The following DNAJB6 variants were observed in gnomAD, a reference collection of about 807,000 sequenced individuals.
DNAJB6 encodes the protein dnaJ homolog subfamily B member 6.
Under a neutral mutation model 42.7 loss-of-function variants are expected in DNAJB6, and 16 were observed. The observed-to-expected ratio is 0.37, with a 90% CI of 0.25 to 0.57. The LOEUF (loss-of-function observed/expected upper bound fraction) is 0.57. Among genes scored for constraint, DNAJB6 ranks in the 20% least tolerant of loss-of-function variants. The pLI, the probability that DNAJB6 is intolerant of heterozygous loss-of-function variation, is 0.74. For missense variants in DNAJB6, 347 were observed against 416.8 expected (o/e 0.83, Z 1.46); for synonymous variants, 170 against 163.5 (o/e 1.04, Z -0.30).
At chr7:157,358,805 G>A (rs1799436452) in intron 2 of DNAJB6, among the ~76,000 whole-genome samples, 168 bp downstream of exon 2, 1 of 152,196 alleles carries the variant, frequency 6.6e-6, no homozygotes, top group African/African-American at 2.4e-5. Context: ...TTGCAGTCTA[G>A]GCCTGGGCTT....
chr7:157,392,832 C>T lies in DNAJB6; in HGVS notation c.691+7221C>T, dbSNP rs55650032. 3.8e-3 allele frequency among the ~76,000 whole-genome samples: 574 copies of T among 152,300 alleles called. 2 individuals are homozygous for T. Among genetic ancestry groups the T allele is most frequent in the South Asian group, 0.011 (52 of 4,826 alleles). On this transcript the variant is annotated intron_variant, in intron 8 of 9. Transcript: ENST00000262177. ...TGCTGTCTTAATATGTAGGTGTGCACATTTCCTCATTGTATCACTACATGA... is the reference window on the plus strand; with the variant it reads ...TGCTGTCTTAATATGTAGGTGTGCATATTTCCTCATTGTATCACTACATGA...
intron 1 of DNAJB6, 62 bp from the exon 2 acceptor site, chr7:157,358,485 C>A: frequency 9.2e-7 from 1 of 1,092,590 alleles, no homozygotes; most frequent in Non-Finnish European, 1.4e-6. Flanking sequence ...CAGACCCATC[C>A]CACCACCGTG....
chr7:157,374,142 G>A (rs931372915), intron 5 of DNAJB6, among the ~76,000 whole-genome samples: 2 of 150,910 alleles, frequency 1.3e-5, no homozygotes, highest in Admixed American at 6.6e-5. Context: ...AGTCCCGCCC[G>A]GCATCCCCAC....
chr7:157,392,060 C>T (rs550742091), intron 8 of DNAJB6, among the ~76,000 whole-genome samples: 1 of 146,924 alleles, frequency 6.8e-6, no homozygotes, highest in Admixed American at 6.9e-5. Context: ...CGTGATCGAG[C>T]CACTGCACTC....
At chr7:157,340,966 G>C (rs924464979) in intron 1 of DNAJB6, among the ~76,000 whole-genome samples, 58 of 89,242 alleles carry the variant, frequency 6.5e-4, no homozygotes, top group African/African-American at 1.6e-3. Flanking sequence ...GCACCTGGCT[G>C]TGTGTGTGTG....
At chr7:157,386,197 A>G (rs1801046969) in intron 8 of DNAJB6, 1 of 971,608 alleles carries the variant, frequency 1.0e-6, no homozygotes, top group Non-Finnish European at 1.2e-6. Context: ...TTGTTTAAAT[A>G]TGTAATGTTA....
intron 1 of DNAJB6, among the ~76,000 whole-genome samples, chr7:157,340,980 G>A (rs1798333081): frequency 1.0e-5 from 1 of 99,494 alleles, no homozygotes; most frequent in African/African-American, 4.9e-5. Flanking sequence ...GTGTGTGTGT[G>A]TGTGTGTGTG....
At chr7:157,397,146 G>A (rs1343639477) in intron 8 of DNAJB6, among the ~76,000 whole-genome samples, 1 of 152,242 alleles carries the variant, frequency 6.6e-6, no homozygotes, top group Non-Finnish European at 1.5e-5. Flanking sequence ...CCCGTGTGAA[G>A]CCAGCCCCGT....
chr7:157,370,187 C>T (rs1490122273), intron 5 of DNAJB6, among the ~76,000 whole-genome samples: 2 of 148,178 alleles, frequency 1.3e-5, no homozygotes, highest in African/African-American at 5.1e-5. Context: ...TAAACAGGCC[C>T]CTTCTTAACA....
At chr7:157,339,374 T>C (rs1798225024) in intron 1 of DNAJB6, among the ~76,000 whole-genome samples, 1 of 139,600 alleles carries the variant, frequency 7.2e-6, no homozygotes, top group African/African-American at 2.6e-5. Context: ...CTCGGCTCAC[T>C]GCAAGCTCCA....
At chr7:157,383,818 G>A (rs931196137) in intron 6 of DNAJB6, among the ~76,000 whole-genome samples, 1 of 152,256 alleles carries the variant, frequency 6.6e-6, no homozygotes, top group African/African-American at 2.4e-5. Flanking sequence ...ATAGTCATTG[G>A]GTTTCAAAGA....
intron 8 of DNAJB6, among the ~76,000 whole-genome samples, chr7:157,405,499 G>A (rs1795732734): frequency 6.6e-6 from 1 of 152,194 alleles, no homozygotes. Flanking sequence ...CCAGGGTGCT[G>A]GGTTTCCAAG....
chr7:157,382,447 T>G, intron 6 of DNAJB6, 70 bp downstream of exon 6: 1 of 1,498,420 alleles, frequency 6.7e-7, no homozygotes, highest in Non-Finnish European at 8.9e-7. Context: ...ATAATACTCT[T>G]TTAGTTAGAG....
At chr7:157,370,493 C>A (rs1303469387) in intron 5 of DNAJB6, among the ~76,000 whole-genome samples, 1 of 152,148 alleles carries the variant, frequency 6.6e-6, no homozygotes, top group Admixed American at 6.5e-5. Flanking sequence ...CCCTTAGTGA[C>A]TGAATTGTAG....
At chr7:157,373,974 A>T (rs1321106414) in intron 5 of DNAJB6, among the ~76,000 whole-genome samples, 2 of 152,176 alleles carry the variant, frequency 1.3e-5, no homozygotes, top group African/African-American at 4.8e-5. Context: ...TGAGCCCAGG[A>T]GTTCGAGTCC....
Position 157,384,920 on chromosome 7 carries a change from A to G in DNAJB6, c.532A>G (p.Thr178Ala). The G allele has an allele frequency of 6.2e-7, 1 of 1,613,656 alleles. No homozygotes were observed. The highest frequency in any genetic ancestry group is 8.5e-7 in the Non-Finnish European group (1 of 1,179,870). ...CGGGGGCCTCACTTCATTCTCTTCC[A>G]CGTCATTTGGTGGTAGTGGCATGGG... ...GHGGLTSFSSTSFGGSGMGNF... is the reference protein window; with the variant it reads ...GHGGLTSFSSASFGGSGMGNF... Residue 178 changes from threonine to alanine, a missense_variant, in exon 7 of 10, where the codon ACG (threonine) becomes GCG (alanine). By Grantham distance (58) the Thr-to-Ala change is moderately conservative. This residue lies in a region of DNAJB6 where 264 missense variants were observed against 288.0 expected (regional missense o/e 0.92). Transcript: ENST00000262177.
chr7:157,376,352 A>G (rs1348320970), intron 5 of DNAJB6, among the ~76,000 whole-genome samples: 1 of 151,772 alleles, frequency 6.6e-6, no homozygotes, highest in South Asian at 2.1e-4. Flanking sequence ...CCCTTAATGC[A>G]TTGGTCTTAG....
intron 9 of DNAJB6, chr7:157,414,547 C>T (rs1365371382): frequency 6.6e-6 from 1 of 152,290 alleles, no homozygotes; most frequent in Non-Finnish European, 1.5e-5. Context: ...CTTTCCGTAA[C>T]CGTAGCTTGA....
At chr7:157,383,997 A>G (rs537635347) in intron 6 of DNAJB6, among the ~76,000 whole-genome samples, 9 of 152,332 alleles carry the variant, frequency 5.9e-5, no homozygotes, top group South Asian at 2.1e-4. Context: ...CCTGGTTCAC[A>G]TATTTCTTCA....
Sources: allele counts gnomAD v4.1 joint callset (sites outside exome capture counted in the v4.1 genomes callset), GRCh38; gene constraint gnomAD v4.1.1; regional missense constraint gnomAD v4.1.1; transcripts MANE v1.5; gene names NCBI Gene and HGNC (gene_info 2026-07-23, HGNC 2026-07-21).